MYO16: variants seen among roughly 807,000 people sequenced by gnomAD.
MYO16 encodes the protein unconventional myosin-XVI.
In MYO16, 94 loss-of-function variants were observed where a neutral mutation model predicts 205.3. That is an observed-to-expected ratio of 0.46 (90% CI 0.39 to 0.54). MYO16 has a LOEUF of 0.54. Among genes scored for constraint, MYO16 ranks in the 20% least tolerant of loss-of-function variants. The probability of loss-of-function intolerance (pLI) is 0.00; values close to 1 mark genes in which losing one functional copy is unlikely to be tolerated. For synonymous variants in MYO16, 988 were observed against 954.0 expected (o/e 1.04, Z -0.66); for missense variants, 2,315 against 2,387.5 (o/e 0.97, Z 0.63).
chr13:109,133,075 C>T (rs1368688833), intron 31 of MYO16, among the ~76,000 whole-genome samples: 1 of 152,162 alleles, frequency 6.6e-6, no homozygotes, highest in African/African-American at 2.4e-5. Context: ...CTGAACCGCT[C>T]CTCCCACCAG....
At chr13:108,899,065 T>G (rs1299684684) in intron 15 of MYO16, among the ~76,000 whole-genome samples, 1 of 152,168 alleles carries the variant, frequency 6.6e-6, no homozygotes, top group Non-Finnish European at 1.5e-5. Context: ...AAAAACATTG[T>G]ATTTTGCAGC....
chr13:108,524,493 C>A, the MYO16 span, among the ~76,000 whole-genome samples: 1 of 152,114 alleles, frequency 6.6e-6, no homozygotes, highest in Non-Finnish European at 1.5e-5. Context: ...TTCTTGTAAA[C>A]CCTGTATAAC....
chr13:108,714,177 G>A (rs981237716), intron 3 of MYO16, among the ~76,000 whole-genome samples: 10 of 152,070 alleles, frequency 6.6e-5, no homozygotes, highest in East Asian at 2.0e-4. Context: ...TGCCTCAGCC[G>A]CCTGAGTAGC....
intron 2 of MYO16, among the ~76,000 whole-genome samples, chr13:108,690,182 C>A (rs896416952): frequency 1.3e-5 from 2 of 151,980 alleles, no homozygotes; most frequent in Non-Finnish European, 2.9e-5. Context: ...TTTGTGAATC[C>A]TTTGGACTTC....
chr13:108,986,673 A>G (rs1884648981), intron 20 of MYO16, among the ~76,000 whole-genome samples: 1 of 150,092 alleles, frequency 6.7e-6, no homozygotes, highest in African/African-American at 2.4e-5. Context: ...TTAAAGTCTG[A>G]GTGTGGCTTT....
intron 4 of MYO16, among the ~76,000 whole-genome samples, chr13:108,735,170 T>C (rs185149628): frequency 6.6e-6 from 1 of 152,118 alleles, no homozygotes; most frequent in Non-Finnish European, 1.5e-5. Flanking sequence ...CCTGCAGGTT[T>C]GTTACATATG....
At chr13:109,147,006 A>G (rs1484300859) in intron 32 of MYO16, among the ~76,000 whole-genome samples, 2 of 152,086 alleles carry the variant, frequency 1.3e-5, no homozygotes, top group Admixed American at 1.3e-4. Context: ...AATCCATTTC[A>G]GTCTTCACGA....
chr13:108,686,541 G>A, intron 2 of MYO16, among the ~76,000 whole-genome samples: 1 of 152,186 alleles, frequency 6.6e-6, no homozygotes, highest in South Asian at 2.1e-4. Flanking sequence ...GTCCCAGCCA[G>A]GGGATATGGA....
At chr13:108,861,118 T>C (rs1049502387) in intron 11 of MYO16, among the ~76,000 whole-genome samples, 1 of 152,156 alleles carries the variant, frequency 6.6e-6, no homozygotes, top group Non-Finnish European at 1.5e-5. Flanking sequence ...CATTAATATA[T>C]GGCTTAATGA....
intron 8 of MYO16, among the ~76,000 whole-genome samples, chr13:108,820,646 T>C (rs1204933841): frequency 6.6e-6 from 1 of 152,162 alleles, no homozygotes. Context: ...CACTGTACTG[T>C]TGTACTTTGT....
At chr13:108,718,540 G>A (rs1160581906) in intron 3 of MYO16, among the ~76,000 whole-genome samples, 2 of 151,890 alleles carry the variant, frequency 1.3e-5, no homozygotes, top group African/African-American at 4.8e-5. Flanking sequence ...GCAGCAGGAA[G>A]CAGAAGGCAG....
chr13:108,957,572 AC>A (rs1883419227), intron 16 of MYO16, 115 bp from the exon 17 acceptor site: 2 of 655,292 alleles, frequency 3.1e-6, no homozygotes, highest in Non-Finnish European at 5.6e-6. Flanking sequence ...ACGTGGGGAC[AC>A]CATGTCCAGG....
intron 12 of MYO16, among the ~76,000 whole-genome samples, chr13:108,869,749 A>G (rs1013357302): frequency 3.4e-5 from 5 of 147,026 alleles, no homozygotes; most frequent in Non-Finnish European, 7.5e-5. Flanking sequence ...AAAAAAAAAA[A>G]AAAAAAAAAA....
intron 34 of MYO16, among the ~76,000 whole-genome samples, chr13:109,190,015 T>G (rs1311354989): frequency 6.6e-6 from 1 of 152,192 alleles, no homozygotes; most frequent in East Asian, 1.9e-4. Flanking sequence ...TAGACTATAG[T>G]AGGCTTACCC....
the MYO16 span, among the ~76,000 whole-genome samples, chr13:108,543,996 C>G: frequency 7.7e-6 from 1 of 129,288 alleles, no homozygotes; most frequent in African/African-American, 3.0e-5. Context: ...ACTTGGGAGG[C>G]GGAGGTTGCA....
At chr13:108,592,728 C>CTGTGTGTGTG (rs55845447), upstream of MYO16, among the ~76,000 whole-genome samples, 1,041 of 139,288 alleles carry the variant, frequency 7.5e-3, 22 homozygotes, top group South Asian at 0.048. Flanking sequence ...GTGAGGGTGG[C>CTGTGTGTGTG]TGTGTGTGTG....
chr13:108,793,694 C>A, intron 6 of MYO16, 54 bp downstream of exon 6: 1 of 1,513,660 alleles, frequency 6.6e-7, no homozygotes, highest in Non-Finnish European at 9.0e-7. Flanking sequence ...TTAAGTTGAT[C>A]TATAAAACAT....
chr13:108,680,612 C>A (rs1045726025), intron 2 of MYO16, among the ~76,000 whole-genome samples: 1 of 152,166 alleles, frequency 6.6e-6, no homozygotes, highest in Non-Finnish European at 1.5e-5. Context: ...CACCTTGAGG[C>A]ACTTTTTAAT....
At chr13:109,144,689 A>G (rs1877249560) in intron 32 of MYO16, among the ~76,000 whole-genome samples, 1 of 152,234 alleles carries the variant, frequency 6.6e-6, no homozygotes, top group Non-Finnish European at 1.5e-5. Context: ...AGGGTCCTTA[A>G]ATTAACTAAA....
Sources: allele counts gnomAD v4.1 joint callset (sites outside exome capture counted in the v4.1 genomes callset), GRCh38; gene constraint gnomAD v4.1.1; transcripts MANE v1.5; gene names NCBI Gene and HGNC (gene_info 2026-07-23, HGNC 2026-07-21).